The following TENM1 variants were observed in gnomAD, a reference collection of about 807,000 sequenced individuals.
TENM1 encodes the protein teneurin-1.
In TENM1, 35 loss-of-function variants were observed where a neutral mutation model predicts 174.8. The observed-to-expected ratio is 0.20, with a 90% confidence interval of 0.15 to 0.27. The LOEUF is 0.27. TENM1 is among the 10% of genes least tolerant of loss of function. The pLI is 1.00. For missense variants in TENM1, 1,633 were observed against 2,130.1 expected (o/e 0.77, Z 4.59); for synonymous variants, 781 against 798.7 (o/e 0.98, Z 0.37).
At chrX:124,610,733 C>T (rs951371503) in intron 11 of TENM1, among the ~76,000 whole-genome samples, 16 of 110,841 alleles carry the variant, frequency 1.4e-4, no homozygotes, top group Admixed American at 5.7e-4. Context: ...TCCTCCCCTT[C>T]GTAGAAACTT....
Position 124,489,457 on chromosome X carries a change from A to T in TENM1, c.3696-2228T>A, listed in dbSNP as rs543276978. ...ACATTCAGAGAGTTGTGTAGCCTTTACCATTATTCAATTCCAGAACATTTT... is the reference window on the plus strand; with the variant it reads ...ACATTCAGAGAGTTGTGTAGCCTTTTCCATTATTCAATTCCAGAACATTTT... On this transcript the variant is annotated intron_variant, in intron 20 of 31. Coordinates refer to ENST00000422452, the Ensembl canonical transcript of TENM1. Among the ~76,000 whole-genome samples, 5 of 111,814 alleles carry T rather than the reference A, an allele frequency of 4.5e-5. No homozygotes were observed. In the East Asian group the frequency reaches 1.1e-3, roughly 25 times the overall value.
intron 3 of TENM1, among the ~76,000 whole-genome samples, chrX:124,794,685 CT>C (rs762207241): frequency 9.0e-6 from 1 of 111,322 alleles, no homozygotes; most frequent in Non-Finnish European, 1.9e-5. Context: ...CATCCCACCC[CT>C]TGCTTAAACT....
the TENM1 span, among the ~76,000 whole-genome samples, chrX:125,039,161 C>G: frequency 5.1e-4 from 57 of 111,960 alleles, no homozygotes; most frequent in Non-Finnish European, 9.4e-4. Context: ...CACCCATTAT[C>G]TTGCTCTTGA....
At chrX:124,690,668 T>C (rs1219659496) in intron 5 of TENM1, among the ~76,000 whole-genome samples, 1 of 110,693 alleles carries the variant, frequency 9.0e-6, no homozygotes, top group African/African-American at 3.3e-5. Flanking sequence ...AATGGTTTCG[T>C]GCTATCCTGG....
chrX:125,063,166 C>T, the TENM1 span, among the ~76,000 whole-genome samples: 1 of 111,739 alleles, frequency 8.9e-6, no homozygotes, highest in Non-Finnish European at 1.9e-5. Flanking sequence ...AAATTCATGC[C>T]AGGATAGAAC....
rs184993071 is a variant in TENM1 at position 124,722,872 on chromosome X, G to A, written c.776+14085C>T. Reference sequence around the variant, plus strand: ...AAAAAAAAAAAAAAAAAATTCCGAAGCTCTATGTCCTTGTTGGGACTTGGC... The same window carrying A: ...AAAAAAAAAAAAAAAAAATTCCGAAACTCTATGTCCTTGTTGGGACTTGGC... On this transcript the variant is annotated intron_variant, in intron 4 of 31. Coordinates refer to ENST00000422452, the Ensembl canonical transcript of TENM1. Among the ~76,000 whole-genome samples, 177 of 107,513 alleles carry A rather than the reference G, an allele frequency of 1.6e-3. 1 individual carries two copies. The highest frequency in any genetic ancestry group is 2.8e-3 in the Non-Finnish European group (145 of 52,115). The allele number at this position is 107,513 out of a possible 115,157, so 93.4% of individuals were successfully genotyped here.
At chrX:124,567,031 A>C (rs916013322) in intron 11 of TENM1, among the ~76,000 whole-genome samples, 3 of 112,061 alleles carry the variant, frequency 2.7e-5, no homozygotes, top group Non-Finnish European at 3.8e-5. Flanking sequence ...TAAGGGATGA[A>C]GGAAAGGGAA....
chrX:125,118,126 A>G, the TENM1 span, among the ~76,000 whole-genome samples: 1 of 111,729 alleles, frequency 9.0e-6, no homozygotes, highest in Non-Finnish European at 1.9e-5. Context: ...TCAGAAAAGG[A>G]AGTCAAATAC....
chrX:124,942,159 C>T lies in TENM1; in HGVS notation c.217+21378G>A, dbSNP rs1402674963. ...CTTTATTATTTTCTCTCTTTCATTG[C>T]TTACAACCAGTTAGCCCCTAAGTCT... On this transcript the variant is annotated intron_variant, in intron 1 of 31. Coordinates refer to ENST00000422452, the Ensembl canonical transcript of TENM1. 3.6e-5 allele frequency among the ~76,000 whole-genome samples: 4 copies of T among 111,440 alleles called. No individual in the cohort carries two copies. The East Asian group carries it at 1.1e-3, about 32-fold the overall frequency.
chrX:124,587,782 C>T (rs1424488482), intron 11 of TENM1, among the ~76,000 whole-genome samples: 2 of 111,291 alleles, frequency 1.8e-5, no homozygotes, highest in Non-Finnish European at 3.8e-5. Flanking sequence ...ATTTTCACAA[C>T]CTACTCATCT....
chrX:124,906,413 T>G (rs763527573), intron 1 of TENM1, among the ~76,000 whole-genome samples: 1 of 112,281 alleles, frequency 8.9e-6, no homozygotes, highest in East Asian at 2.8e-4. Context: ...TTTGTTCTAG[T>G]GTGTGCTTAA....
chrX:125,109,921 T>G, the TENM1 span, among the ~76,000 whole-genome samples: 1 of 111,718 alleles, frequency 9.0e-6, no homozygotes, highest in Non-Finnish European at 1.9e-5. Flanking sequence ...CATTGGAGAT[T>G]GTTTGGCAGG....
chrX:125,056,497 A>G, the TENM1 span, among the ~76,000 whole-genome samples: 1 of 111,712 alleles, frequency 9.0e-6, no homozygotes, highest in African/African-American at 3.2e-5. Flanking sequence ...ACTGGTAATT[A>G]AAGATCTGCA....
intron 3 of TENM1, among the ~76,000 whole-genome samples, chrX:124,801,847 G>C (rs917045123): frequency 9.0e-6 from 1 of 111,390 alleles, no homozygotes; most frequent in African/African-American, 3.3e-5. Flanking sequence ...ACTTATTAAG[G>C]TTAGTCTGGC....
At chrX:125,112,926 G>A in the TENM1 span, among the ~76,000 whole-genome samples, 1 of 110,537 alleles carries the variant, frequency 9.0e-6, no homozygotes, top group African/African-American at 3.3e-5. Context: ...ATCTCCCCAG[G>A]CTCTTGTGGT....
chrX:124,405,413 G>A (rs186951185), intron 26 of TENM1, 147 bp from the exon 30 acceptor site: 7 of 451,225 alleles, frequency 1.6e-5, no homozygotes, highest in African/African-American at 1.2e-4. Flanking sequence ...CTAGACTACC[G>A]CTCTGACAGG....
chrX:124,492,310 A>G (rs1197970103), intron 20 of TENM1, among the ~76,000 whole-genome samples: 1 of 111,780 alleles, frequency 8.9e-6, no homozygotes, highest in Non-Finnish European at 1.9e-5. Context: ...ACTGGTATGA[A>G]GTGAGGTTTT....
the TENM1 span, among the ~76,000 whole-genome samples, chrX:125,145,727 C>T: frequency 1.8e-5 from 2 of 112,081 alleles, no homozygotes; most frequent in South Asian, 7.3e-4. Flanking sequence ...GAGCAGAAAA[C>T]ACAGTGAGAA....
intron 3 of TENM1, among the ~76,000 whole-genome samples, chrX:124,748,356 A>ATC (rs2053981597): frequency 9.1e-6 from 1 of 109,952 alleles, no homozygotes; most frequent in South Asian, 3.9e-4. Flanking sequence ...ATATATATAT[A>ATC]GAGAGAGAGA....
Sources: allele counts gnomAD v4.1 joint callset (sites outside exome capture counted in the v4.1 genomes callset), GRCh38; gene constraint gnomAD v4.1.1; transcripts MANE v1.5; gene names NCBI Gene and HGNC (gene_info 2026-07-23, HGNC 2026-07-21).